The following ASPH variants were observed in gnomAD, a reference collection of about 807,000 sequenced individuals.
ASPH encodes the protein aspartate beta-hydroxylase, also known as aspartyl/asparaginyl beta-hydroxylase.
A neutral mutation model predicts 118.4 loss-of-function variants in ASPH; 100 were observed. That is an observed-to-expected ratio of 0.84 (90% CI 0.72 to 1.00). ASPH has a LOEUF of 1.00. Among genes scored for constraint, ASPH ranks in the 50% least tolerant of loss-of-function variants. ASPH has a pLI of 0.00. For synonymous variants in ASPH, 315 were observed against 325.6 expected, an observed-to-expected ratio of 0.97 and a Z score of 0.35; for missense variants, 920 against 919.5, an observed-to-expected ratio of 1.00 and a Z score of -0.01.
rs10096419 is a variant in ASPH at position 61,593,826 on chromosome 8, C to A, written c.977-9797G>T. Among the ~76,000 whole-genome samples, 517 of 152,268 alleles carry A rather than the reference C, an allele frequency of 3.4e-3. 4 individuals carry two copies. Among genetic ancestry groups the A allele is most frequent in the African/African-American group, 0.012 (485 of 41,544 alleles). On this transcript the variant is annotated intron_variant, in intron 14 of 24. Transcript: ENST00000379454. The stretch of plus-strand genomic sequence containing the variant: ...GTCCGCAGCCTCACCAACAGCAGTG[C>A]CAGACACTGAATTTTATCCCCACGC...
chr8:61,537,259 A>G (rs1819978587), intron 21 of ASPH, among the ~76,000 whole-genome samples: 1 of 152,260 alleles, frequency 6.6e-6, no homozygotes, highest in African/African-American at 2.4e-5. Flanking sequence ...GAGTGATGCT[A>G]GAGTAGCAGC....
chr8:61,548,588 T>C (rs997198711), intron 20 of ASPH, among the ~76,000 whole-genome samples: 2 of 152,204 alleles, frequency 1.3e-5, no homozygotes, highest in African/African-American at 2.4e-5. Flanking sequence ...AAAAAGATTA[T>C]GATTTTAATA....
At chr8:61,592,917 A>C (rs1047720260) in intron 14 of ASPH, among the ~76,000 whole-genome samples, 1 of 152,234 alleles carries the variant, frequency 6.6e-6, no homozygotes, top group Non-Finnish European at 1.5e-5. Flanking sequence ...AAAAGAAGAA[A>C]ACATTCAAGA....
chr8:61,575,401 T>C (rs1834801944), intron 16 of ASPH, among the ~76,000 whole-genome samples: 1 of 152,192 alleles, frequency 6.6e-6, no homozygotes. Flanking sequence ...CTCACATGTC[T>C]GTTGGCTGTT....
At chr8:61,515,925 T>C (rs1285344479) in intron 24 of ASPH, among the ~76,000 whole-genome samples, 1 of 152,192 alleles carries the variant, frequency 6.6e-6, no homozygotes, top group Non-Finnish European at 1.5e-5. Flanking sequence ...AGCCTGCTAA[T>C]TGTTCTTCCC....
intron 18 of ASPH, among the ~76,000 whole-genome samples, chr8:61,556,260 A>G (rs191597673): frequency 6.6e-5 from 10 of 152,318 alleles, no homozygotes; most frequent in Admixed American, 5.2e-4. Context: ...GTTCTTCAAG[A>G]ATGAAGAAAT....
At chr8:61,683,960 A>T in intron 2 of ASPH, 79 bp downstream of exon 2, 1 of 1,494,536 alleles carries the variant, frequency 6.7e-7, no homozygotes, top group South Asian at 1.2e-5. Context: ...TACCAGAAAG[A>T]TGATAACAAA....
At position 61,680,991 on chromosome 8, in the gene ASPH, A is replaced by T; in HGVS notation, c.299T>A (p.Val100Glu). 5 of 1,605,716 alleles carry T rather than the reference A, an allele frequency of 3.1e-6. No individual in the cohort carries two copies. Among genetic ancestry groups the T allele is most frequent in the Non-Finnish European group, 4.3e-6 (5 of 1,175,544 alleles). The change falls in exon 3 of 25, where the codon GTG becomes GAG. Residue 100 changes from valine to glutamate, a missense_variant. Coordinates refer to ENST00000379454, the MANE Select transcript of ASPH (RefSeq NM_004318.4). ...GCCTAATAAAACTTTGGCATCATCC[A>T]CATCAAAATCTCCATCACCATCAGC... Reference protein sequence around the residue: ...YDADGDGDFDVDDAKVLLGLK... With the variant: ...YDADGDGDFDEDDAKVLLGLK...
intron 20 of ASPH, among the ~76,000 whole-genome samples, chr8:61,552,558 C>A (rs1826384953): frequency 6.6e-6 from 1 of 152,160 alleles, no homozygotes; most frequent in African/African-American, 2.4e-5. Context: ...ATAAAGACTT[C>A]ATTCTAAAAA....
At chr8:61,643,665 T>C (rs1182573892) in intron 8 of ASPH, among the ~76,000 whole-genome samples, 1 of 152,234 alleles carries the variant, frequency 6.6e-6, no homozygotes, top group African/African-American at 2.4e-5. Flanking sequence ...TAGTACATCA[T>C]ACTGCCCCTT....
intron 12 of ASPH, among the ~76,000 whole-genome samples, chr8:61,635,805 C>T (rs1331208561): frequency 6.6e-6 from 1 of 152,146 alleles, no homozygotes; most frequent in Non-Finnish European, 1.5e-5. Context: ...GATCTTATTT[C>T]AGGCTACCAC....
intron 13 of ASPH, among the ~76,000 whole-genome samples, chr8:61,619,342 T>G (rs1032349119): frequency 1.8e-4 from 27 of 152,130 alleles, no homozygotes; most frequent in Non-Finnish European, 7.3e-5. Context: ...TACAAAGACA[T>G]GTGGATGGGG....
At chr8:61,639,244 C>G (rs1803917736) in intron 10 of ASPH, among the ~76,000 whole-genome samples, 1 of 152,122 alleles carries the variant, frequency 6.6e-6, no homozygotes, top group African/African-American at 2.4e-5. Context: ...AAGCTTGCTT[C>G]TCGTCACCCT....
intron 18 of ASPH, among the ~76,000 whole-genome samples, chr8:61,560,811 G>A (rs1032573420): frequency 6.6e-6 from 1 of 151,986 alleles, no homozygotes; most frequent in Non-Finnish European, 1.5e-5. Flanking sequence ...TTAAAAAGGT[G>A]AGGAAGGACA....
intron 16 of ASPH, among the ~76,000 whole-genome samples, chr8:61,568,317 T>C (rs1191676827): frequency 6.6e-6 from 1 of 152,076 alleles, no homozygotes; most frequent in Non-Finnish European, 1.5e-5. Context: ...GGTCAGATTA[T>C]AGATACATTT....
chr8:61,523,225 T>C (rs543352900), intron 22 of ASPH, among the ~76,000 whole-genome samples: 1 of 152,204 alleles, frequency 6.6e-6, no homozygotes, highest in Admixed American at 6.5e-5. Context: ...TTCTCCTCTA[T>C]TTCTGAACCA....
chr8:61,585,829 G>A (rs550115277), intron 14 of ASPH, among the ~76,000 whole-genome samples: 1 of 152,154 alleles, frequency 6.6e-6, no homozygotes, highest in Non-Finnish European at 1.5e-5. Flanking sequence ...TCCCAGCTCT[G>A]TCACCTCCAA....
intron 14 of ASPH, among the ~76,000 whole-genome samples, chr8:61,611,946 T>C (rs936776794): frequency 6.7e-6 from 1 of 150,260 alleles, no homozygotes; most frequent in South Asian, 2.1e-4. Context: ...AAAGTTGATA[T>C]AACAAATTAC....
chr8:61,664,896 G>T, intron 3 of ASPH: 1 of 1,014,086 alleles, frequency 9.9e-7, no homozygotes, highest in Non-Finnish European at 1.2e-6. Context: ...AAGTTACAAG[G>T]CATTATGCAC....
Sources: allele counts gnomAD v4.1 joint callset (sites outside exome capture counted in the v4.1 genomes callset), GRCh38; gene constraint gnomAD v4.1.1; transcripts MANE v1.5; gene names NCBI Gene and HGNC (gene_info 2026-07-23, HGNC 2026-07-21).